Variants in DHX38 observed in about 807,000 individuals in gnomAD.
DHX38 encodes the protein pre-mRNA-splicing factor ATP-dependent RNA helicase PRP16.
Under a neutral mutation model 153.1 loss-of-function variants are expected in DHX38, and 100 were observed. The ratio of observed to expected loss-of-function variants is 0.65; its 90% CI spans 0.56 to 0.77. DHX38 has a LOEUF of 0.77. Among genes scored for constraint, DHX38 ranks in the 30% least tolerant of loss-of-function variants. The pLI is 0.00. For synonymous variants in DHX38, 650 were observed against 631.7 expected (o/e 1.03, Z -0.43); for missense variants, 1,440 against 1,654.0 (o/e 0.87, Z 2.24).
rs140035148 is a variant in DHX38 at position 72,112,466 on chromosome 16, C to T, written c.3653C>T (p.Pro1218Leu). ...AAAGAGCAAGGGGAGCCCATGACCC[C>T]TCGCCGCACGCCAGCCCGCTTTGGT... ...GRKEQGEPMT[P>L]RRTPARFGL The change falls in exon 27 of 27, where the codon CCT becomes CTT. Residue 1218 changes from proline to leucine, a missense_variant. Physicochemically the swap from Pro to Leu is moderately conservative, Grantham distance 98. Transcript: ENST00000268482. 3.7e-6 allele frequency: 6 copies of T among 1,612,064 alleles called. No individual in the cohort carries two copies. The highest frequency in any genetic ancestry group is 1.3e-5 in the African/African-American group (1 of 74,940).
chr16:72,094,786 G>A (rs113909848), intron 1 of DHX38, among the ~76,000 whole-genome samples: 1 of 152,230 alleles, frequency 6.6e-6, no homozygotes, highest in Non-Finnish European at 1.5e-5. Context: ...TTTATCAAAC[G>A]CTTATTTTGC....
chr16:72,105,268 C>G lies in DHX38; in HGVS notation c.2299C>G (p.Leu767Val), dbSNP rs1292509198. The change falls in exon 17 of 27, where the codon CTG becomes GTG. Residue 767 changes from leucine (L) to valine (V), a missense_variant. Physicochemically the swap from Leu to Val is conservative, Grantham distance 32. This residue lies in a region of DHX38 where 543 missense variants were observed against 717.9 expected (regional missense o/e 0.76). Coordinates refer to ENST00000268482, the MANE Select transcript of DHX38 (RefSeq NM_014003.4). ...SDQIVEHLEE[L>V]ENAPALAVLP... ...CCAGATTGTGGAGCATCTGGAGGAA[C>G]TGGAGAACGCGCCTGCCCTGGCTGT... 2.5e-6 allele frequency: 4 copies of G among 1,614,186 alleles called. No homozygotes were observed. Among genetic ancestry groups the G allele is most frequent in the Admixed American group, 3.3e-5 (2 of 60,022 alleles).
At chr16:72,105,688 G>A in intron 18 of DHX38, 64 bp downstream of exon 18, 1 of 1,532,514 alleles carries the variant, frequency 6.5e-7, no homozygotes, top group Non-Finnish European at 9.0e-7. Context: ...CTGCGGGGTG[G>A]GAAGCCAGGG....
At chr16:72,102,942 C>A (rs1171703889) in intron 11 of DHX38, 132 bp from the exon 12 acceptor site, 1 of 1,290,080 alleles carries the variant, frequency 7.8e-7, no homozygotes, top group Non-Finnish European at 1.1e-6. Flanking sequence ...ATCTCAGATT[C>A]CCTGGCTGCT....
intron 3 of DHX38, chr16:72,097,462 A>AAG: frequency 1.9e-6 from 1 of 523,256 alleles, no homozygotes; most frequent in Non-Finnish European, 3.4e-6. Context: ...TTGCTGGAAA[A>AAG]TAACTGTTAC....
chr16:72,096,015 G>T, intron 1 of DHX38, 124 bp from the exon 2 acceptor site: 1 of 997,368 alleles, frequency 1.0e-6, no homozygotes, highest in East Asian at 2.6e-5. Flanking sequence ...GGGAGCAAAA[G>T]TAGTCCTGGT....
chr16:72,108,424 TC>T (rs1191392038), intron 22 of DHX38, 42 bp downstream of exon 22: 1 of 1,613,082 alleles, frequency 6.2e-7, no homozygotes, highest in African/African-American at 1.3e-5. Context: ...GAGGGGAGGG[TC>T]GAGAGGAAAG....
In DHX38 at chr16:72,105,044, C is replaced by T. The variant is rs200640083; in HGVS notation, c.2169C>T (p.Tyr723=). Residue 723 remains tyrosine, a synonymous_variant, in exon 16 of 27, where the codon TAC becomes TAT. Transcript: ENST00000268482. ...ILFSKTPQED[Y]VEAAVKQSLQ... ...TGTTGCAGACCCCACAGGAGGATTA[C>T]GTGGAGGCTGCAGTGAAGCAGTCCT... 4.9e-5 allele frequency: 79 copies of T among 1,614,104 alleles called. No homozygotes were observed. Among genetic ancestry groups the T allele is most frequent in the African/African-American group, 1.5e-4 (11 of 75,048 alleles).
chr16:72,094,414 A>C (rs1167330674), intron 1 of DHX38: 1 of 152,172 alleles, frequency 6.6e-6, no homozygotes, highest in Non-Finnish European at 1.5e-5. Flanking sequence ...TATACCAGGC[A>C]ATCTGGTGGG....
At position 72,104,660 on chromosome 16, in the gene DHX38, C is replaced by G; in HGVS notation, c.2151+34C>G. On this transcript the variant is annotated intron_variant, in intron 15 of 26. Coordinates refer to ENST00000268482, the MANE Select transcript of DHX38 (RefSeq NM_014003.4). The surrounding 1 kb of genome is among the most constrained non-coding windows in gnomAD (Gnocchi z 4.5). The stretch of plus-strand genomic sequence containing the variant: ...GCCACCATGTTACGAACTGACCCTT[C>G]CATGCCACGCACTTCTCTGATGCGA... 1 of 1,613,264 alleles carries G rather than the reference C, an allele frequency of 6.2e-7. No homozygotes were observed. The highest frequency in any genetic ancestry group is 1.3e-5 in the African/African-American group (1 of 75,060).
At chr16:72,112,277 CCGGGGAGGAGATCCCT>C in intron 26 of DHX38, 120 bp from the exon 27 acceptor site, 1 of 767,980 alleles carries the variant, frequency 1.3e-6, no homozygotes, top group Non-Finnish European at 2.2e-6. Context: ...TGAGAATGTG[CCGGGGAGGAGATCCCT>C]CGGCCCAGAG....
intron 1 of DHX38, 127 bp from the exon 2 acceptor site, chr16:72,096,012 A>G: frequency 1.0e-6 from 1 of 982,698 alleles, no homozygotes. Context: ...AGAGGGAGCA[A>G]AAGTAGTCCT....
chr16:72,107,472 C>T lies in DHX38; in HGVS notation c.2733C>T (p.Phe911=), dbSNP rs770787557. The T allele has an allele frequency of 3.1e-6, 5 of 1,614,214 alleles. No individual in the cohort carries two copies. In the South Asian group the frequency reaches 5.5e-5, roughly 18 times the overall value. Residue 911 remains phenylalanine, a synonymous_variant, in exon 20 of 27, where the codon TTC becomes TTT. Coordinates refer to ENST00000268482, the MANE Select transcript of DHX38 (RefSeq NM_014003.4). This position sits in a 1 kb window ranked among gnomAD's most constrained non-coding sequence, Gnocchi z 5.3. The part of the protein sequence containing the change: ...LGVQDLLQFH[F]MDPPPEDNML... ...TGCAGGACCTGCTGCAGTTCCACTT[C>T]ATGGACCCGCCCCCGGAGGACAACA...
intron 19 of DHX38, among the ~76,000 whole-genome samples, chr16:72,106,677 C>T (rs1214058249): frequency 6.6e-6 from 1 of 152,160 alleles, no homozygotes; most frequent in African/African-American, 2.4e-5. Flanking sequence ...TTGTGAACTC[C>T]TGGCTTCAAG....
In DHX38 at chr16:72,097,659, T is replaced by G. The variant is rs925581281; in HGVS notation, c.512-18T>G. 1.2e-6 allele frequency: 2 copies of G among 1,611,840 alleles called. No homozygotes were observed. Among genetic ancestry groups the G allele is most frequent in the Non-Finnish European group, 1.7e-6 (2 of 1,178,646 alleles). ...AGGATGGGATGCATGTTTTTAAGCTTCGTGTGACTCTTCATAGATGAGCGG... is the reference window on the plus strand; with the variant it reads ...AGGATGGGATGCATGTTTTTAAGCTGCGTGTGACTCTTCATAGATGAGCGG... On this transcript the variant is annotated intron_variant, in intron 3 of 26. Transcript: ENST00000268482.
In DHX38 at chr16:72,112,588, C is replaced by G. The variant is rs960702606; in HGVS notation, c.*91C>G. ...GAGGCTGCGGACAAAGCCCTTTCAT[C>G]TGAGGACTTTCATCTGTGCATATCA... On this transcript the variant is annotated 3_prime_UTR_variant, in exon 27 of 27. Coordinates refer to ENST00000268482, the MANE Select transcript of DHX38 (RefSeq NM_014003.4). The G allele has an allele frequency of 5.8e-6, 8 of 1,379,628 alleles. No individual in the cohort carries two copies. The African/African-American group carries it at 1.1e-4, about 20-fold the overall frequency. 85.5% of individuals were successfully genotyped at this position (1,379,628 alleles called of 1,614,324 possible).
At chr16:72,105,736 A>AGTGGTG in intron 18 of DHX38, 112 bp downstream of exon 18, 1 of 1,065,834 alleles carries the variant, frequency 9.4e-7, no homozygotes, top group South Asian at 1.3e-5. Flanking sequence ...AGCGCGTGGA[A>AGTGGTG]GTGGTGGTGG....
At chr16:72,094,832 G>T (rs1384647348) in intron 1 of DHX38, among the ~76,000 whole-genome samples, 4 of 152,234 alleles carry the variant, frequency 2.6e-5, no homozygotes, top group Non-Finnish European at 4.4e-5. Context: ...AACACATCCA[G>T]TGTTCTCTCA....
intron 9 of DHX38, 134 bp downstream of exon 9, chr16:72,100,731 G>A: frequency 7.8e-7 from 1 of 1,279,748 alleles, no homozygotes; most frequent in Non-Finnish European, 1.1e-6. Flanking sequence ...AGGAGTTCAA[G>A]GCCTGCCTGG....
Sources: gnomAD v4.1 joint callset for allele counts (sites outside exome capture counted in the v4.1 genomes callset) on GRCh38, gnomAD v4.1.1 for gene constraint, gnomAD v4.1.1 regional missense constraint, Gnocchi (gnomAD v3.1) non-coding constraint, MANE v1.5 for transcripts, NCBI Gene and HGNC (gene_info 2026-07-23, HGNC 2026-07-21) for gene names.